Variants in SCOC observed in about 807,000 individuals in gnomAD.
The protein encoded by SCOC is short coiled-coil protein, also known as short coiled coil protein.
A neutral mutation model predicts 9.9 loss-of-function variants in SCOC; 7 were observed. The ratio of observed to expected loss-of-function variants is 0.71; its 90% CI spans 0.40 to 1.33. SCOC has a LOEUF of 1.33. Among genes scored for constraint, SCOC ranks in the 40% most tolerant of loss-of-function variants. The pLI is 0.01. For missense variants in SCOC, 66 were observed against 89.7 expected (o/e 0.74, Z 1.07); for synonymous variants, 19 against 28.2 (o/e 0.67, Z 1.03).
At chr4:140,364,446 T>C (rs1170520528) in intron 2 of SCOC, among the ~76,000 whole-genome samples, 5 of 152,274 alleles carry the variant, frequency 3.3e-5, no homozygotes, top group African/African-American at 1.2e-4. Context: ...AACAGGTTTC[T>C]AATGCAGATC....
At chr4:140,326,112 C>T (rs1246231868) in intron 1 of SCOC, among the ~76,000 whole-genome samples, 3 of 152,010 alleles carry the variant, frequency 2.0e-5, no homozygotes, top group Non-Finnish European at 2.9e-5. Flanking sequence ...TTTATGACAT[C>T]GTGTAAAAGG....
intron 1 of SCOC, among the ~76,000 whole-genome samples, chr4:140,375,021 G>T (rs192702897): frequency 1.1e-4 from 16 of 152,332 alleles, no homozygotes; most frequent in Admixed American, 1.0e-3. Flanking sequence ...ATGCAGAAAA[G>T]TTGAGTGGCT....
intron 1 of SCOC, among the ~76,000 whole-genome samples, chr4:140,333,351 GTATATATATTTGTATATACATATAA>G (rs796847642): frequency 1.3e-5 from 2 of 151,858 alleles, no homozygotes; most frequent in African/African-American, 4.8e-5. Context: ...CATACATGTG[GTATATATATTTGTATATACATATAA>G]TGTATATATT....
intron 1 of SCOC, among the ~76,000 whole-genome samples, chr4:140,336,024 C>T (rs1732947271): frequency 6.6e-6 from 1 of 152,078 alleles, no homozygotes; most frequent in South Asian, 2.1e-4. Flanking sequence ...ATCTTGACCT[C>T]CTTTGATGCA....
intron 1 of SCOC, among the ~76,000 whole-genome samples, chr4:140,269,139 G>T (rs1730789512): frequency 6.6e-6 from 1 of 152,116 alleles, no homozygotes; most frequent in Non-Finnish European, 1.5e-5. Flanking sequence ...CCCTTCACTA[G>T]ACACAGGGCT....
intron 2 of SCOC, among the ~76,000 whole-genome samples, chr4:140,359,035 C>CT (rs1364280511): frequency 3.3e-5 from 5 of 152,164 alleles, no homozygotes; most frequent in African/African-American, 1.2e-4. Context: ...AGAGAAATGT[C>CT]TTTAAGAAAC....
At chr4:140,287,302 GATAC>G (rs1169585394) in intron 1 of SCOC, among the ~76,000 whole-genome samples, 1 of 141,912 alleles carries the variant, frequency 7.0e-6, no homozygotes, top group African/African-American at 2.8e-5. Context: ...TGCACACATA[GATAC>G]CATACACCAC....
intron 1 of SCOC, among the ~76,000 whole-genome samples, chr4:140,263,339 G>A (rs967460697): frequency 3.3e-5 from 5 of 152,190 alleles, no homozygotes; most frequent in African/African-American, 1.2e-4. Flanking sequence ...CAACCAACTT[G>A]CACAGGTAAG....
rs529433377 is a variant in SCOC, at chr4:140,291,640, C to T, written c.-19+34230C>T. The T allele has an allele frequency of 7.5e-4, 296 of 395,514 alleles. 1 individual carries two copies. The highest frequency in any genetic ancestry group is 1.1e-3 in the Non-Finnish European group (203 of 193,144). 24.5% of individuals were successfully genotyped at this position (395,514 alleles called of 1,614,324 possible). The stretch of plus-strand genomic sequence containing the variant: ...CAATGACCATGTACCATGTACCTGA[C>T]GCTTATTAATATGTTCTGGGAATAA... On this transcript the variant is annotated intron_variant, in intron 1 of 4. Coordinates refer to the SCOC transcript ENST00000394205.
At chr4:140,294,097 C>A (rs527425220) in intron 1 of SCOC, among the ~76,000 whole-genome samples, 1 of 152,318 alleles carries the variant, frequency 6.6e-6, no homozygotes. Flanking sequence ...CCAACACTGG[C>A]AGGTGTGGTA....
intron 1 of SCOC, among the ~76,000 whole-genome samples, chr4:140,330,218 T>C (rs913696318): frequency 2.6e-5 from 4 of 152,190 alleles, no homozygotes; most frequent in Non-Finnish European, 5.9e-5. Flanking sequence ...AAACATCCTA[T>C]GTTCTCACTC....
intron 1 of SCOC, among the ~76,000 whole-genome samples, chr4:140,260,252 T>A (rs1730602437): frequency 6.6e-6 from 1 of 152,224 alleles, no homozygotes; most frequent in East Asian, 1.9e-4. Flanking sequence ...AGCCTTGCAC[T>A]AAGAAGGTAT....
chr4:140,314,916 C>A (rs1732270383), intron 1 of SCOC, among the ~76,000 whole-genome samples: 2 of 152,172 alleles, frequency 1.3e-5, no homozygotes. Context: ...TGTTCCTTTC[C>A]ATTTTCTCAC....
At chr4:140,285,476 C>T (rs982460778) in intron 1 of SCOC, among the ~76,000 whole-genome samples, 1 of 152,162 alleles carries the variant, frequency 6.6e-6, no homozygotes, top group African/African-American at 2.4e-5. Context: ...AAGACAAAGA[C>T]CAATGACAGA....
intron 2 of SCOC, among the ~76,000 whole-genome samples, chr4:140,363,104 C>T (rs919927763): frequency 3.9e-5 from 6 of 152,260 alleles, no homozygotes; most frequent in African/African-American, 1.2e-4. Context: ...TATTATAACC[C>T]GCTGCATGTA....
chr4:140,305,223 G>C (rs567378059), intron 1 of SCOC, among the ~76,000 whole-genome samples: 42 of 152,328 alleles, frequency 2.8e-4, no homozygotes, highest in Middle Eastern at 3.4e-3. Context: ...AGACAGAACA[G>C]GTCTGAGGGT....
intron 1 of SCOC, chr4:140,285,414 G>T: frequency 2.5e-6 from 1 of 395,642 alleles, no homozygotes; most frequent in Admixed American, 2.7e-5. Context: ...TTGATGTGGG[G>T]TGTGGTTTAC....
At chr4:140,314,247 A>C (rs1052277373) in intron 1 of SCOC, 1 of 201,938 alleles carries the variant, frequency 5.0e-6, no homozygotes, top group Non-Finnish European at 1.1e-5. Flanking sequence ...TGAAAACATA[A>C]TACTAGAAGA....
chr4:140,282,094 T>C (rs1221946810), intron 1 of SCOC, among the ~76,000 whole-genome samples: 3 of 152,200 alleles, frequency 2.0e-5, no homozygotes, highest in African/African-American at 7.2e-5. Context: ...TGTAAATCCT[T>C]GAGTAATATT....
Sources: gnomAD v4.1 joint callset for allele counts (sites outside exome capture counted in the v4.1 genomes callset) on GRCh38, gnomAD v4.1.1 for gene constraint, MANE v1.5 for transcripts, NCBI Gene and HGNC (gene_info 2026-07-23, HGNC 2026-07-21) for gene names.